Variants in HROB observed in about 807,000 individuals in gnomAD.
The protein encoded by HROB is homologous recombination factor with OB-fold, also known as homologous recombination OB-fold protein.
HROB carries 44 observed loss-of-function variants against 61.0 expected under a neutral mutation model. The observed-to-expected ratio is 0.72, with a 90% CI of 0.57 to 0.93. The LOEUF (loss-of-function observed/expected upper bound fraction) is 0.93. Ranked by LOEUF, HROB falls within the 40% of genes least tolerant of loss-of-function variation. The probability of loss-of-function intolerance (pLI) is 0.00; values close to 1 mark genes in which losing one functional copy is unlikely to be tolerated. For synonymous variants in HROB, 301 were observed against 310.4 expected (o/e 0.97, Z 0.32); for missense variants, 716 against 796.2 (o/e 0.90, Z 1.21).
intron 8 of HROB, among the ~76,000 whole-genome samples, chr17:44,156,160 T>C (rs1192004579): frequency 6.6e-6 from 1 of 152,124 alleles, no homozygotes; most frequent in Non-Finnish European, 1.5e-5. Context: ...TCCACTTCCA[T>C]TTTCCTCATC....
In HROB at chr17:44,161,988, G is replaced by C; in HGVS notation, c.*56G>C. On this transcript the variant is annotated 3_prime_UTR_variant, in exon 10 of 10. Transcript: ENST00000585683. Reference sequence around the variant, plus strand: ...AGCAGGCAGCTCTGGGCATGTGTCTGGTCACATCCAAGGGGGAGAAGAAGG... The same window carrying C: ...AGCAGGCAGCTCTGGGCATGTGTCTCGTCACATCCAAGGGGGAGAAGAAGG... 6.4e-7 allele frequency: 1 copy of C among 1,557,448 alleles called. No homozygotes were observed. The highest frequency in any genetic ancestry group is 1.7e-5 in the Admixed American group (1 of 59,508).
In HROB at chr17:44,148,938, G is replaced by A; in HGVS notation, c.1135G>A (p.Ala379Thr). ...TNHLVQLVTA[A>T]SRTPQQPTHP... ...CCACCTGGTGCAGCTAGTCACTGCT[G>A]CCAGCCGGACACCCCAGCAGCCCAC... The change falls in exon 3 of 10, where the codon GCC becomes ACC. Residue 379 changes from alanine (A) to threonine (T), a missense_variant. Ala to Thr is a moderately conservative substitution (Grantham distance 58). Transcript: ENST00000585683. 1 of 1,614,138 alleles carries A rather than the reference G, an allele frequency of 6.2e-7. No homozygotes were observed. The highest frequency in any genetic ancestry group is 8.5e-7 in the Non-Finnish European group (1 of 1,180,014).
At chr17:44,146,843 T>A (rs552748257) in intron 2 of HROB, among the ~76,000 whole-genome samples, 1 of 152,234 alleles carries the variant, frequency 6.6e-6, no homozygotes, top group African/African-American at 2.4e-5. Flanking sequence ...GTCAGTTAAA[T>A]CAGCAGTTCT....
At position 44,142,010 on chromosome 17, in the gene HROB, C is replaced by G. The variant is rs145540215; in HGVS notation, c.-133C>G. ...TTTCCCTATATCGCAGAGACTCATC[C>G]CTCTGACCCCAGCCCGGAAGCACTG... On this transcript the variant is annotated 5_prime_UTR_variant, in exon 1 of 10. Transcript: ENST00000585683. The G allele has an allele frequency of 9.4e-6, 12 of 1,280,428 alleles. No individual in the cohort carries two copies. The African/African-American group carries it at 1.8e-4, about 20-fold the overall frequency. 79.3% of individuals were successfully genotyped at this position (1,280,428 alleles called of 1,614,324 possible).
At chr17:44,149,495 C>T (rs979645071) in intron 3 of HROB, among the ~76,000 whole-genome samples, 6 of 152,152 alleles carry the variant, frequency 3.9e-5, no homozygotes, top group African/African-American at 1.2e-4. Flanking sequence ...GTGATCTGCC[C>T]GCCTCGGCCT....
chr17:44,160,225 C>T lies in HROB; in HGVS notation c.1880-1646C>T, dbSNP rs764714307. 2.6e-5 allele frequency among the ~76,000 whole-genome samples: 4 copies of T among 152,066 alleles called. No individual in the cohort carries two copies. The East Asian group carries it at 5.8e-4, about 22-fold the overall frequency. On this transcript the variant is annotated intron_variant, in intron 9 of 9. Transcript: ENST00000585683. ...ACTCTGTACTGGCTGTTTTTTTTCT[C>T]GGTTATAATGATAATACAGAGATTA...
At chr17:44,152,531 G>T in intron 4 of HROB, 106 bp from the exon 5 acceptor site, 1 of 1,336,104 alleles carries the variant, frequency 7.5e-7, no homozygotes, top group Non-Finnish European at 1.0e-6. Context: ...CAGTTTTTCC[G>T]AGGGGATTTG....
intron 8 of HROB, among the ~76,000 whole-genome samples, chr17:44,157,405 C>CTTT (rs71160088): frequency 1.3e-3 from 109 of 81,454 alleles, no homozygotes; most frequent in African/African-American, 3.0e-3. Context: ...CATCATGTTT[C>CTTT]TTTTTTTTTT....
In HROB at chr17:44,148,373, G is replaced by C. The variant is rs1298694646; in HGVS notation, c.570G>C (p.Gln190His). The change falls in exon 3 of 10, where the codon CAG becomes CAC. Residue 190 changes from glutamine to histidine, a missense_variant. Gln to His is a conservative substitution (Grantham distance 24, BLOSUM62 0). Transcript: ENST00000585683. The part of the protein sequence containing the change: ...SEAIPILPAQ[Q>H]REGSVLAKKA... Reference sequence around the variant, plus strand: ...CCATACCAATCCTGCCTGCCCAGCAGCGGGAGGGTTCAGTATTGGCTAAAA... The same window carrying C: ...CCATACCAATCCTGCCTGCCCAGCACCGGGAGGGTTCAGTATTGGCTAAAA... 6.2e-7 allele frequency: 1 copy of C among 1,614,162 alleles called. No individual in the cohort carries two copies. Among genetic ancestry groups the C allele is most frequent in the Non-Finnish European group, 8.5e-7 (1 of 1,180,000 alleles).
chr17:44,152,833 G>C, intron 5 of HROB, 56 bp downstream of exon 5: 1 of 1,589,038 alleles, frequency 6.3e-7, no homozygotes, highest in Non-Finnish European at 8.6e-7. Flanking sequence ...CCCTCTCTCT[G>C]ACCTACTGCC....
chr17:44,161,066 G>A (rs899536215), intron 9 of HROB, among the ~76,000 whole-genome samples: 5 of 152,116 alleles, frequency 3.3e-5, no homozygotes, highest in African/African-American at 1.2e-4. Context: ...GCCAGGCGTG[G>A]TGGTGGGCGC....
intron 4 of HROB, among the ~76,000 whole-genome samples, chr17:44,152,137 G>A (rs138712118): frequency 7.9e-4 from 120 of 152,040 alleles, no homozygotes; most frequent in African/African-American, 2.3e-3. Flanking sequence ...GAGCCACTGC[G>A]CCCAGTCAAT....
At chr17:44,158,240 T>C (rs1165592857) in intron 9 of HROB, among the ~76,000 whole-genome samples, 1 of 152,120 alleles carries the variant, frequency 6.6e-6, no homozygotes, top group Non-Finnish European at 1.5e-5. Context: ...ACAGGCGCTA[T>C]CTTTGTGCCA....
rs1190650525 is a variant in HROB, at chr17:44,162,438, C to T, written c.*506C>T. On this transcript the variant is annotated 3_prime_UTR_variant, in exon 10 of 10. Transcript: ENST00000585683. ...TCCCAGGTGCAGGACAGAGGTGTGG[C>T]CTATTGTACCTTGTTCTGAAATAAA... 6.5e-6 allele frequency: 1 copy of T among 153,138 alleles called. No homozygotes were observed. Among genetic ancestry groups the T allele is most frequent in the Non-Finnish European group, 1.5e-5 (1 of 68,682 alleles). 9.5% of individuals were successfully genotyped at this position (153,138 alleles called of 1,614,324 possible). A position where few individuals can be genotyped will look rare whatever the true frequency, so the allele number is the denominator to read the frequency against.
chr17:44,148,512 A>G lies in HROB; in HGVS notation c.709A>G (p.Arg237Gly), dbSNP rs746013130. 1.9e-6 allele frequency: 3 copies of G among 1,614,112 alleles called. No homozygotes were observed. In the South Asian group the frequency reaches 3.3e-5, roughly 18 times the overall value. ...GTCTCTAGATCCTGTCATCCAATGT[A>G]GGACTCCACGACCCCCCTTGAGACC... The part of the protein sequence containing the change: ...DESLDPVIQC[R>G]TPRPPLRPGA... The change falls in exon 3 of 10, where the codon AGG (arginine) becomes GGG (glycine). Residue 237 changes from arginine to glycine, a missense_variant. By Grantham distance (125) the Arg-to-Gly change is moderately radical. Transcript: ENST00000585683.
Position 44,152,651 on chromosome 17 carries a change from C to A in HROB, c.1323C>A (p.Ser441=), listed in dbSNP as rs945653249. 4.3e-6 allele frequency: 7 copies of A among 1,614,132 alleles called. No homozygotes were observed. The highest frequency in any genetic ancestry group is 5.9e-6 in the Non-Finnish European group (7 of 1,180,012). ...AKFQTEIVAS[S]QASVEEDFGR... The stretch of plus-strand genomic sequence containing the variant: ...TGTGGTACCAGATTGTTGCTAGTTC[C>A]CAGGCATCTGTGGAGGAGGATTTTG... The change falls in exon 5 of 10, where the codon TCC becomes TCA. Residue 441 remains serine, a synonymous_variant. Coordinates refer to ENST00000585683, the MANE Select transcript of HROB (RefSeq NM_001171251.3).
In HROB at chr17:44,162,147, C is replaced by G. The variant is rs557276595; in HGVS notation, c.*215C>G. The G allele has an allele frequency of 1.2e-4, 62 of 519,990 alleles. 2 individuals carry two copies. In the Admixed American group the frequency reaches 1.8e-3, roughly 15 times the overall value. The allele number at this position is 519,990 out of a possible 1,614,324, so 32.2% of individuals were successfully genotyped here. A position where few individuals can be genotyped will look rare whatever the true frequency, so the allele number is the denominator to read the frequency against. ...TTCCTTTGCCGTTGGCACCAGAATCCGGCCGGAGACTGGCTCTCCAGCCAA... is the reference window on the plus strand; with the variant it reads ...TTCCTTTGCCGTTGGCACCAGAATCGGGCCGGAGACTGGCTCTCCAGCCAA... On this transcript the variant is annotated 3_prime_UTR_variant, in exon 10 of 10. Transcript: ENST00000585683.
chr17:44,142,688 C>CA (rs941798708), intron 1 of HROB, among the ~76,000 whole-genome samples: 1 of 152,054 alleles, frequency 6.6e-6, no homozygotes, highest in Non-Finnish European at 1.5e-5. Flanking sequence ...GAACTGGCTA[C>CA]AGCAGCCCTG....
intron 2 of HROB, 81 bp downstream of exon 2, chr17:44,145,334 C>A: frequency 6.6e-7 from 1 of 1,506,276 alleles, no homozygotes; most frequent in Non-Finnish European, 9.2e-7. Flanking sequence ...TTGGATTAGC[C>A]TGTACCAGCC....
Sources: gnomAD v4.1 joint callset for allele counts (sites outside exome capture counted in the v4.1 genomes callset) on GRCh38, gnomAD v4.1.1 for gene constraint, MANE v1.5 for transcripts, NCBI Gene and HGNC (gene_info 2026-07-23, HGNC 2026-07-21) for gene names.